The following PFKFB4 variants were observed in gnomAD, a reference collection of about 807,000 sequenced individuals.
The protein encoded by PFKFB4 is 6-phosphofructo-2-kinase/fructose-2,6-biphosphatase 4.
PFKFB4 carries 42 observed loss-of-function variants against 62.8 expected under a neutral mutation model. The ratio of observed to expected loss-of-function variants is 0.67; its 90% confidence interval spans 0.52 to 0.86. The LOEUF is 0.86. Among genes scored for constraint, PFKFB4 ranks in the 40% least tolerant of loss-of-function variants. PFKFB4 has a pLI of 0.00. For synonymous variants in PFKFB4, 204 were observed against 240.7 expected, an observed-to-expected ratio of 0.85 and a Z score of 1.41; for missense variants, 475 against 627.2, an observed-to-expected ratio of 0.76 and a Z score of 2.59.
intron 1 of PFKFB4, among the ~76,000 whole-genome samples, chr3:48,552,620 G>A (rs951222101): frequency 3.9e-5 from 6 of 152,188 alleles, no homozygotes; most frequent in African/African-American, 1.2e-4. Context: ...CCAGGTGGCC[G>A]GGCTCTCAAG....
At chr3:48,539,007 C>G (rs2042718511) in intron 6 of PFKFB4, among the ~76,000 whole-genome samples, 1 of 152,148 alleles carries the variant, frequency 6.6e-6, no homozygotes, top group Non-Finnish European at 1.5e-5. Flanking sequence ...CACCCTTCCA[C>G]CCCTGCTGAA....
At chr3:48,529,101 G>C (rs190770226) in intron 9 of PFKFB4, among the ~76,000 whole-genome samples, 8 of 151,806 alleles carry the variant, frequency 5.3e-5, no homozygotes, top group Non-Finnish European at 1.0e-4. Flanking sequence ...GTAATGGCAC[G>C]ATCTCAGCTC....
chr3:48,542,416 C>G (rs953465702), intron 4 of PFKFB4, among the ~76,000 whole-genome samples: 8 of 151,800 alleles, frequency 5.3e-5, no homozygotes, highest in African/African-American at 1.9e-4. Context: ...ATGTAGCCAC[C>G]AGAAGTTCTA....
chr3:48,558,478 G>A (rs1575409270), upstream of PFKFB4, among the ~76,000 whole-genome samples: 1 of 152,234 alleles, frequency 6.6e-6, no homozygotes, highest in Non-Finnish European at 1.5e-5. Context: ...TATAGGTGTA[G>A]CACCCCCTCC....
chr3:48,531,317 G>C (rs2042419114), intron 9 of PFKFB4, among the ~76,000 whole-genome samples: 1 of 151,966 alleles, frequency 6.6e-6, no homozygotes, highest in Admixed American at 6.6e-5. Context: ...GACCAACATG[G>C]AGAAACTCCG....
At position 48,523,706 on chromosome 3, in the gene PFKFB4, G is replaced by A. The variant is rs1273207548; in HGVS notation, c.1217C>T (p.Ala406Val). ...RCLLAYFLDKAAEQLPYLKCP... is the reference protein window; with the variant it reads ...RCLLAYFLDKVAEQLPYLKCP... ...CCCCGGGGCACAGCCCACACCTGCT[G>A]CCTTGTCGAGGAAGTAGGCCAGCAG... Residue 406 changes from alanine to valine, a missense_variant, in exon 11 of 14, where the codon GCA becomes GTA. Ala to Val is a moderately conservative substitution (Grantham distance 64, BLOSUM62 0). Transcript: ENST00000232375. 2.5e-6 allele frequency: 4 copies of A among 1,614,166 alleles called. No individual in the cohort carries two copies. In the Admixed American group the frequency reaches 6.7e-5, roughly 27 times the overall value.
intron 3 of PFKFB4, among the ~76,000 whole-genome samples, chr3:48,546,302 A>C (rs1486534677): frequency 6.6e-6 from 1 of 151,780 alleles, no homozygotes; most frequent in Non-Finnish European, 1.5e-5. Flanking sequence ...CATGTGTATA[A>C]GTTTGTGTGT....
At chr3:48,552,851 G>A (rs575901499) in intron 1 of PFKFB4, among the ~76,000 whole-genome samples, 6 of 152,274 alleles carry the variant, frequency 3.9e-5, no homozygotes, top group South Asian at 2.1e-4. Flanking sequence ...ACCCACATGC[G>A]CAGCACAAGG....
At position 48,530,685 on chromosome 3, in the gene PFKFB4, CTTTTG is replaced by C. The variant is rs370144510; in HGVS notation, c.987+4822_987+4826del. Among the ~76,000 whole-genome samples the C allele has an allele frequency of 7.8e-3, 1,181 of 152,198 alleles. 14 individuals are homozygous for C. The highest frequency in any genetic ancestry group is 0.026 in the African/African-American group (1,100 of 41,524). On this transcript the variant is annotated intron_variant, in intron 9 of 13. Transcript: ENST00000232375. ...GGCTAAAACTCAAAGCAAGTATATG[CTTTTG>C]TTTTGTTTTGTTTTGTTTTCTTTTC...
rs563510620 is a variant in PFKFB4, at chr3:48,520,514, G to T, written c.1351-708C>A. 1.2e-4 allele frequency among the ~76,000 whole-genome samples: 19 copies of T among 152,322 alleles called. 1 individual carries two copies. In the Middle Eastern group the frequency reaches 0.014, roughly 109 times the overall value. On this transcript the variant is annotated intron_variant, in intron 13 of 13. Transcript: ENST00000232375. ...TCACCTGCAGGAGCAGGTCACTGAT[G>T]ACCTGAGCTGCTGCCCCATGCAACA...
intron 12 of PFKFB4, among the ~76,000 whole-genome samples, chr3:48,522,405 C>T (rs537253396): frequency 2.2e-4 from 33 of 152,308 alleles, no homozygotes; most frequent in Non-Finnish European, 3.4e-4. Flanking sequence ...CCATATAAGG[C>T]CCAGTCAACC....
At position 48,556,787 on chromosome 3, in the gene PFKFB4, G is replaced by A. The variant is rs1181499555; in HGVS notation, c.-10C>T. 1 of 1,598,856 alleles carries A rather than the reference G, an allele frequency of 6.3e-7. No homozygotes were observed. The highest frequency in any genetic ancestry group is 8.5e-7 in the Non-Finnish European group (1 of 1,173,130). Reference sequence around the variant, plus strand: ...CCCGTGGGGACGCCATCCCGGGGCCGGGATGAGTCGGACTGCGCCGCTTCC... The same window carrying A: ...CCCGTGGGGACGCCATCCCGGGGCCAGGATGAGTCGGACTGCGCCGCTTCC... On this transcript the variant is annotated 5_prime_UTR_variant, in exon 1 of 14. Transcript: ENST00000232375. This position sits in a 1 kb window ranked among gnomAD's most constrained non-coding sequence, Gnocchi z 5.7.
rs906305338 is a variant in PFKFB4, at chr3:48,556,382, G to A, written c.97+299C>T. 33 of 559,892 alleles carry A rather than the reference G, an allele frequency of 5.9e-5. No individual in the cohort carries two copies. The highest frequency in any genetic ancestry group is 6.8e-5 in the Non-Finnish European group (21 of 307,996). The allele number at this position is 559,892 out of a possible 1,614,324, so 34.7% of individuals were successfully genotyped here. A position where few individuals can be genotyped will look rare whatever the true frequency, so the allele number is the denominator to read the frequency against. ...CAGACTGGGGGCGATGGGGATTGGA[G>A]AGGGAAGCGAGGGGGCCAGAGCCCT... On this transcript the variant is annotated intron_variant, in intron 1 of 13. Transcript: ENST00000232375. This position sits in a 1 kb window ranked among gnomAD's most constrained non-coding sequence, Gnocchi z 5.7.
At chr3:48,545,219 C>T (rs2042925358) in intron 3 of PFKFB4, among the ~76,000 whole-genome samples, 1 of 152,118 alleles carries the variant, frequency 6.6e-6, no homozygotes, top group African/African-American at 2.4e-5. Flanking sequence ...ACAACCTCCA[C>T]CTTCTGGGTT....
chr3:48,536,483 A>G lies in PFKFB4; in HGVS notation c.633-20T>C. The G allele has an allele frequency of 6.3e-7, 1 of 1,587,120 alleles. No individual in the cohort carries two copies. ...AGGTCCCTGTCCAGAGAGAAAGTAG[A>G]AAGAGGCCTGTGAGCGTGGCCAGGG... On this transcript the variant is annotated intron_variant, in intron 7 of 13. Coordinates refer to ENST00000232375, the MANE Select transcript of PFKFB4 (RefSeq NM_004567.4).
At chr3:48,544,023 TA>T (rs1183242380) in intron 3 of PFKFB4, among the ~76,000 whole-genome samples, 2 of 147,306 alleles carry the variant, frequency 1.4e-5, no homozygotes, top group Admixed American at 6.8e-5. Context: ...TTTATTTATT[TA>T]TTTTTTTTGA....
intron 4 of PFKFB4, among the ~76,000 whole-genome samples, chr3:48,542,082 C>T (rs1232152122): frequency 1.3e-5 from 2 of 152,170 alleles, no homozygotes; most frequent in Non-Finnish European, 2.9e-5. Context: ...CGTGGTGGCT[C>T]ACGCCTGTAA....
upstream of PFKFB4, chr3:48,563,004 G>A (rs149022309): frequency 1.0e-4 from 165 of 1,610,246 alleles, no homozygotes; most frequent in Non-Finnish European, 1.2e-4. The surrounding 1 kb of genome is among the most constrained non-coding windows in gnomAD (Gnocchi z 4.5). Context: ...GCCGCAGGTC[G>A]GGGAGTGGTC....
intron 3 of PFKFB4, among the ~76,000 whole-genome samples, chr3:48,544,441 C>CTTTT (rs34817026): frequency 2.2e-4 from 22 of 100,396 alleles, no homozygotes; most frequent in South Asian, 3.3e-4. Context: ...GTTTTCAGAT[C>CTTTT]TTTTTTTTTT....
Sources: gnomAD v4.1 joint callset for allele counts (sites outside exome capture counted in the v4.1 genomes callset) on GRCh38, gnomAD v4.1.1 for gene constraint, Gnocchi (gnomAD v3.1) non-coding constraint, MANE v1.5 for transcripts, NCBI Gene and HGNC (gene_info 2026-07-23, HGNC 2026-07-21) for gene names.